PPFIA2: variants seen among roughly 807,000 people sequenced by gnomAD.
PPFIA2 encodes liprin-alpha-2.
PPFIA2 carries 46 observed loss-of-function variants against 175.5 expected under a neutral mutation model. The observed-to-expected ratio is 0.26, with a 90% confidence interval of 0.21 to 0.34. The LOEUF is 0.34. Among genes scored for constraint, PPFIA2 ranks in the 10% least tolerant of loss-of-function variants. The pLI, the probability that PPFIA2 is intolerant of heterozygous loss-of-function variation, is 1.00. For missense variants in PPFIA2, 1,179 were observed against 1,506.1 expected (o/e 0.78, Z 3.60); for synonymous variants, 568 against 511.4 (o/e 1.11, Z -1.49).
At chr12:81,704,602 A>G (rs1414645912) in intron 3 of PPFIA2, among the ~76,000 whole-genome samples, 1 of 152,106 alleles carries the variant, frequency 6.6e-6, no homozygotes, top group East Asian at 1.9e-4. Flanking sequence ...AGATAAAATA[A>G]AAGACAAGTG....
intron 4 of PPFIA2, among the ~76,000 whole-genome samples, chr12:81,548,717 T>C (rs2067386726): frequency 6.6e-6 from 1 of 152,124 alleles, no homozygotes; most frequent in African/African-American, 2.4e-5. Flanking sequence ...AAAGCTTGTA[T>C]GTAAAAATGC....
chr12:81,482,439 A>AT (rs2058344802), intron 4 of PPFIA2, among the ~76,000 whole-genome samples: 2 of 152,182 alleles, frequency 1.3e-5, no homozygotes, highest in Non-Finnish European at 2.9e-5. Flanking sequence ...ACATGCACAC[A>AT]TATGTTTACT....
At chr12:81,414,636 A>G (rs2044608898) in intron 7 of PPFIA2, among the ~76,000 whole-genome samples, 1 of 151,634 alleles carries the variant, frequency 6.6e-6, no homozygotes, top group African/African-American at 2.4e-5. Flanking sequence ...AAATTCAATT[A>G]ACAATTCCCA....
chr12:81,263,360 T>C lies in PPFIA2; in HGVS notation c.3586A>G (p.Thr1196Ala). The C allele has an allele frequency of 6.2e-7, 1 of 1,613,500 alleles. No individual in the cohort carries two copies. The highest frequency in any genetic ancestry group is 1.3e-5 in the African/African-American group (1 of 75,046). The change falls in exon 31 of 33, where the codon ACC becomes GCC. Residue 1196 changes from threonine (T) to alanine (A), a missense_variant. By Grantham distance (58) the Thr-to-Ala change is moderately conservative. Coordinates refer to ENST00000549396, the MANE Select transcript of PPFIA2 (RefSeq NM_003625.5). The part of the protein sequence containing the change: ...SDDKNFRRGS[T>A]WRRQFPPREV... ...CGAGGAGGAAACTGCCTTCTCCAGG[T>C]TGATCCACGTCTGAAGTTCTTGTCA...
intron 30 of PPFIA2, among the ~76,000 whole-genome samples, chr12:81,264,751 G>A (rs1301984060): frequency 6.6e-6 from 1 of 152,068 alleles, no homozygotes; most frequent in Non-Finnish European, 1.5e-5. Context: ...GTTTCAGTGT[G>A]GTAGCCATTT....
chr12:81,418,794 C>T (rs1406001461), intron 7 of PPFIA2, among the ~76,000 whole-genome samples: 2 of 151,844 alleles, frequency 1.3e-5, no homozygotes, highest in African/African-American at 4.8e-5. Context: ...TTTCTAATTT[C>T]CTTCACATAA....
At chr12:81,298,234 AG>A (rs1214335024) in intron 23 of PPFIA2, 1 of 152,200 alleles carries the variant, frequency 6.6e-6, no homozygotes, top group Non-Finnish European at 1.5e-5. Context: ...CACGGTTGAA[AG>A]AAGCAGCTGA....
In PPFIA2 at chr12:81,676,807, T is replaced by A. The variant is rs2072599640; in HGVS notation, c.287A>T (p.Lys96Met). The A allele has an allele frequency of 6.4e-7, 1 of 1,566,634 alleles. No homozygotes were observed. Among genetic ancestry groups the A allele is most frequent in the Non-Finnish European group, 8.6e-7 (1 of 1,157,350 alleles). ...CTAACTTACCGGTGGATCAGCCCCC[T>A]TAGAACCAGCCAGCCCTCCTGTTAG... The part of the protein sequence containing the change: ...ESLTGGLAGS[K>M]GADPPEFAAL... The change falls in exon 4 of 33, where the codon AAG (lysine) becomes ATG (methionine). Residue 96 changes from lysine (K) to methionine (M), a missense_variant. Coordinates refer to ENST00000549396, the MANE Select transcript of PPFIA2 (RefSeq NM_003625.5).
chr12:81,568,909 G>A (rs2071915555), intron 4 of PPFIA2, among the ~76,000 whole-genome samples: 1 of 151,810 alleles, frequency 6.6e-6, no homozygotes, highest in African/African-American at 2.4e-5. Context: ...GGTATCTTTT[G>A]TTAAATAAAG....
At chr12:81,460,691 A>G (rs1266809199) in intron 4 of PPFIA2, among the ~76,000 whole-genome samples, 1 of 152,118 alleles carries the variant, frequency 6.6e-6, no homozygotes, top group Non-Finnish European at 1.5e-5. Flanking sequence ...GTGAACATGA[A>G]CTGAGGCTTA....
At position 81,653,342 on chromosome 12, in the gene PPFIA2, C is replaced by T. The variant is rs146049147; in HGVS notation, c.303+23449G>A. Among the ~76,000 whole-genome samples the T allele has an allele frequency of 3.9e-5, 6 of 152,228 alleles. No individual in the cohort carries two copies. In the South Asian group the frequency reaches 6.2e-4, roughly 16 times the overall value. The stretch of plus-strand genomic sequence containing the variant: ...TGCCTTTAGCTCACTACATTTCTGT[C>T]ACAGTTAGATCCTTTGTTCCTTGTC... On this transcript the variant is annotated intron_variant, in intron 4 of 32. Transcript: ENST00000549396.
intron 4 of PPFIA2, among the ~76,000 whole-genome samples, chr12:81,485,051 A>G (rs2058667926): frequency 6.6e-6 from 1 of 151,934 alleles, no homozygotes; most frequent in Non-Finnish European, 1.5e-5. Flanking sequence ...AAACTACTTT[A>G]AAATTAATGA....
intron 3 of PPFIA2, among the ~76,000 whole-genome samples, chr12:81,691,882 T>C (rs2075284844): frequency 6.6e-6 from 1 of 152,122 alleles, no homozygotes; most frequent in African/African-American, 2.4e-5. Context: ...AGAATGTCTT[T>C]GGAAATTGTG....
chr12:81,698,608 T>A (rs527252418), intron 3 of PPFIA2, among the ~76,000 whole-genome samples: 26 of 152,156 alleles, frequency 1.7e-4, no homozygotes, highest in Non-Finnish European at 3.1e-4. Context: ...ATTAGAAGTG[T>A]CAGGAAATAA....
At chr12:81,734,127 G>A (rs562472770) in intron 3 of PPFIA2, among the ~76,000 whole-genome samples, 12 of 151,880 alleles carry the variant, frequency 7.9e-5, no homozygotes, top group Admixed American at 3.3e-4. Flanking sequence ...TGCATATTGT[G>A]CCCAAATCTG....
At chr12:81,475,837 G>A (rs2057399825) in intron 4 of PPFIA2, among the ~76,000 whole-genome samples, 1 of 152,134 alleles carries the variant, frequency 6.6e-6, no homozygotes, top group African/African-American at 2.4e-5. Context: ...TCAGCCTCCA[G>A]AGTAGCTGGG....
At position 81,344,674 on chromosome 12, in the gene PPFIA2, T is replaced by A. The variant is rs368308940; in HGVS notation, c.2252A>T (p.His751Leu). ...VMTLPSDLRK[H>L]RRKIAVVEED... is the part of the protein sequence containing the mutation. ...AGTTATTTACTGTACCTTTCTCCGA[T>A]GTTTCCTCAGATCACTTGGCTGTGA... Residue 751 changes from histidine to leucine, a missense_variant, in exon 19 of 33, where the codon CAT (histidine) becomes CTT (leucine). Transcript: ENST00000549396. The A allele has an allele frequency of 1.7e-5, 26 of 1,558,812 alleles. No individual in the cohort carries two copies. Among genetic ancestry groups the A allele is most frequent in the Non-Finnish European group, 2.0e-5 (23 of 1,146,872 alleles).
At chr12:81,612,187 C>T (rs2060993273) in intron 4 of PPFIA2, among the ~76,000 whole-genome samples, 1 of 151,810 alleles carries the variant, frequency 6.6e-6, no homozygotes, top group Non-Finnish European at 1.5e-5. Context: ...TTTACTCATA[C>T]ATCCTACTTC....
chr12:81,273,185 C>T (rs1191047538), intron 28 of PPFIA2, among the ~76,000 whole-genome samples: 1 of 152,094 alleles, frequency 6.6e-6, no homozygotes, highest in African/African-American at 2.4e-5. Context: ...TTCCATCCTT[C>T]TTGGAAGTCC....
Sources: gnomAD v4.1 joint callset for allele counts (sites outside exome capture counted in the v4.1 genomes callset) on GRCh38, gnomAD v4.1.1 for gene constraint, MANE v1.5 for transcripts, NCBI Gene and HGNC (gene_info 2026-07-23, HGNC 2026-07-21) for gene names.